GCNT1: variants seen among roughly 807,000 people sequenced by gnomAD.
The protein encoded by GCNT1 is glucosaminyl (N-acetyl) transferase 1.
Under a neutral mutation model 26.2 loss-of-function variants are expected in GCNT1, and 16 were observed. That is an observed-to-expected ratio of 0.61 (90% CI 0.41 to 0.93). The LOEUF is 0.93. GCNT1 is among the 40% of genes least tolerant of loss of function. The pLI, the probability that GCNT1 is intolerant of heterozygous loss-of-function variation, is 0.00. For synonymous variants in GCNT1, 183 were observed against 190.8 expected (o/e 0.96, Z 0.34); for missense variants, 477 against 526.7 (o/e 0.91, Z 0.92).
chr9:76,410,559 C>T, the GCNT1 span, among the ~76,000 whole-genome samples: 16 of 152,162 alleles, frequency 1.1e-4, no homozygotes, highest in African/African-American at 3.6e-4. Context: ...CAAGACTAGC[C>T]TGGGCAACAT....
chr9:76,489,623 A>C (rs1457027188), intron 2 of GCNT1, among the ~76,000 whole-genome samples: 1 of 152,142 alleles, frequency 6.6e-6, no homozygotes, highest in Non-Finnish European at 1.5e-5. Flanking sequence ...TGATTGGTGC[A>C]TTTACAATCC....
chr9:76,455,641 A>ACC (rs1423649421), upstream of GCNT1, among the ~76,000 whole-genome samples: 1 of 151,790 alleles, frequency 6.6e-6, no homozygotes, highest in African/African-American at 2.4e-5. Flanking sequence ...TTGCTCTGTC[A>ACC]CCCAGGCTGG....
chr9:76,469,184 C>T (rs1824073686), intron 2 of GCNT1, among the ~76,000 whole-genome samples: 1 of 152,120 alleles, frequency 6.6e-6, no homozygotes, highest in South Asian at 2.1e-4. Context: ...TTTATTGCAT[C>T]CTCCAAGTTT....
intron 2 of GCNT1, among the ~76,000 whole-genome samples, chr9:76,498,638 G>T (rs785928): frequency 0.82 from 124,027 of 151,848 alleles, 51,220 homozygotes; most frequent in African/African-American, 0.93. Context: ...CCAGGTGTGG[G>T]GGCGGGTGCC....
chr9:76,462,108 T>C (rs1338114755), intron 2 of GCNT1, among the ~76,000 whole-genome samples: 1 of 152,020 alleles, frequency 6.6e-6, no homozygotes. Context: ...CAAATTCTGT[T>C]TTCTATGAAG....
chr9:76,421,639 C>T (rs1324528935), intron 1 of GCNT1, among the ~76,000 whole-genome samples: 4 of 146,158 alleles, frequency 2.7e-5, no homozygotes, highest in East Asian at 4.0e-4. Context: ...CAAAAAACAA[C>T]CCACACAATT....
At chr9:76,448,853 C>A (rs182659694) in intron 1 of GCNT1, among the ~76,000 whole-genome samples, 193 of 152,316 alleles carry the variant, frequency 1.3e-3, no homozygotes, top group Non-Finnish European at 2.2e-3. Context: ...ATTTGTTGAT[C>A]CATTCAGACA....
chr9:76,489,806 A>C (rs888834529), intron 2 of GCNT1, among the ~76,000 whole-genome samples: 2 of 152,184 alleles, frequency 1.3e-5, no homozygotes, highest in African/African-American at 4.8e-5. Flanking sequence ...GCTCTAGCTA[A>C]TTCCTGCTGG....
At position 76,505,658 on chromosome 9, in the gene GCNT1, C is replaced by T. The variant is rs1825217848; in HGVS notation, c.*1990C>T. The T allele has an allele frequency of 6.0e-6, 1 of 166,878 alleles. No homozygotes were observed. Among genetic ancestry groups the T allele is most frequent in the East Asian group, 1.9e-4 (1 of 5,204 alleles). 10.3% of individuals were successfully genotyped at this position (166,878 alleles called of 1,614,324 possible). ...AAACAGTAGAGTGAACACCATGTAA[C>T]CCTCACCTGGTGTTAACATTGTACC... On this transcript the variant is annotated 3_prime_UTR_variant, in exon 4 of 4. Coordinates refer to ENST00000376730, the MANE Select transcript of GCNT1 (RefSeq NM_001490.5).
At chr9:76,469,418 C>G (rs1587431230) in intron 2 of GCNT1, among the ~76,000 whole-genome samples, 1 of 152,198 alleles carries the variant, frequency 6.6e-6, no homozygotes, top group East Asian at 1.9e-4. Context: ...AGCCAATCAT[C>G]TATTGCCTGA....
At chr9:76,501,651 C>T (rs189841991) in intron 3 of GCNT1, 3 of 152,316 alleles carry the variant, frequency 2.0e-5, no homozygotes, top group Admixed American at 6.5e-5. Flanking sequence ...ACTTGCCCTT[C>T]CTTCAAAGAT....
chr9:76,482,980 G>C (rs1200434294), intron 2 of GCNT1, among the ~76,000 whole-genome samples: 1 of 151,730 alleles, frequency 6.6e-6, no homozygotes, highest in Non-Finnish European at 1.5e-5. Context: ...CTTTAATCTA[G>C]TATATCAAAA....
chr9:76,426,597 A>G (rs1297460692), intron 1 of GCNT1, among the ~76,000 whole-genome samples: 4 of 152,058 alleles, frequency 2.6e-5, no homozygotes, highest in African/African-American at 4.8e-5. Context: ...ATTAAATTAG[A>G]TAATAAATTT....
At chr9:76,473,157 A>T (rs1165281654) in intron 2 of GCNT1, among the ~76,000 whole-genome samples, 1 of 152,202 alleles carries the variant, frequency 6.6e-6, no homozygotes. Flanking sequence ...TTCCAGCAAC[A>T]CTAGATGCTT....
At chr9:76,396,521 G>A in the GCNT1 span, among the ~76,000 whole-genome samples, 1 of 151,916 alleles carries the variant, frequency 6.6e-6, no homozygotes, top group Non-Finnish European at 1.5e-5. Context: ...AAGAAAAGAA[G>A]AGGAGAAAAT....
chr9:76,446,818 G>T (rs923397344), intron 1 of GCNT1, among the ~76,000 whole-genome samples: 1 of 152,154 alleles, frequency 6.6e-6, no homozygotes, highest in South Asian at 2.1e-4. Flanking sequence ...CAAGCATAGT[G>T]GCTTGGTGTT....
At chr9:76,410,660 G>A in the GCNT1 span, among the ~76,000 whole-genome samples, 1 of 152,158 alleles carries the variant, frequency 6.6e-6, no homozygotes, top group East Asian at 1.9e-4. Flanking sequence ...TTAGGACCCA[G>A]AATGTTATCT....
chr9:76,506,910 T>C lies in GCNT1; in HGVS notation c.*3242T>C, dbSNP rs1006494280. Reference sequence around the variant, plus strand: ...CAGTTGTTCAGAAAAATAAAAATAATTTCTCATATTAAATACAGACGCTCC... The same window carrying C: ...CAGTTGTTCAGAAAAATAAAAATAACTTCTCATATTAAATACAGACGCTCC... On this transcript the variant is annotated 3_prime_UTR_variant, in exon 4 of 4. Transcript: ENST00000376730. 3.6e-5 allele frequency: 6 copies of C among 167,032 alleles called. No homozygotes were observed. Among genetic ancestry groups the C allele is most frequent in the Non-Finnish European group, 7.3e-5 (5 of 68,096 alleles). The allele number at this position is 167,032 out of a possible 1,614,324, so 10.3% of individuals were successfully genotyped here.
At chr9:76,401,834 G>A in the GCNT1 span, among the ~76,000 whole-genome samples, 1 of 152,182 alleles carries the variant, frequency 6.6e-6, no homozygotes, top group South Asian at 2.1e-4. Flanking sequence ...GGTTGTGGCT[G>A]CAGTGAGCCA....
Sources: gnomAD v4.1 joint callset for allele counts (sites outside exome capture counted in the v4.1 genomes callset) on GRCh38, gnomAD v4.1.1 for gene constraint, MANE v1.5 for transcripts, NCBI Gene and HGNC (gene_info 2026-07-23, HGNC 2026-07-21) for gene names.